GPC5: variants seen among roughly 807,000 people sequenced by gnomAD.
The protein encoded by GPC5 is glypican 5, also known as glypican-5.
GPC5 carries 47 observed loss-of-function variants against 53.9 expected under a neutral mutation model. That is an observed-to-expected ratio of 0.87 (90% CI 0.69 to 1.11). GPC5 has a LOEUF of 1.11. GPC5 is among the 50% of genes most tolerant of loss of function. The pLI is 0.00. For missense variants in GPC5, 748 were observed against 713.1 expected, an observed-to-expected ratio of 1.05 and a Z score of -0.56; for synonymous variants, 286 against 263.3, an observed-to-expected ratio of 1.09 and a Z score of -0.84.
intron 7 of GPC5, among the ~76,000 whole-genome samples, chr13:92,173,191 A>AT (rs994905090): frequency 8.6e-5 from 13 of 151,072 alleles, no homozygotes; most frequent in South Asian, 2.1e-4. Context: ...TCATTAATGG[A>AT]TTTTTTTTTC....
At chr13:91,630,413 C>T (rs1442453307) in intron 2 of GPC5, among the ~76,000 whole-genome samples, 1 of 152,118 alleles carries the variant, frequency 6.6e-6, no homozygotes, top group Non-Finnish European at 1.5e-5. Flanking sequence ...TTTTCCCTCC[C>T]CATTCTACCC....
chr13:92,682,055 C>A (rs1887127160), intron 7 of GPC5, among the ~76,000 whole-genome samples: 1 of 151,376 alleles, frequency 6.6e-6, no homozygotes, highest in East Asian at 2.0e-4. Context: ...TGTGTAGATG[C>A]ATAGCATGCA....
intron 2 of GPC5, among the ~76,000 whole-genome samples, chr13:91,571,828 T>TACACACACATATACGTGTGTGTATATAC (rs768975728): frequency 3.1e-5 from 2 of 64,854 alleles, no homozygotes; most frequent in Non-Finnish European, 5.1e-5. Flanking sequence ...TGTGTATATA[T>TACACACACATATACGTGTGTGTATATAC]ACACATATAC....
chr13:92,652,926 G>A (rs1434560791), intron 7 of GPC5, among the ~76,000 whole-genome samples: 1 of 152,074 alleles, frequency 6.6e-6, no homozygotes, highest in African/African-American at 2.4e-5. Context: ...AGCCTAAAAA[G>A]TGTGCATCTC....
At chr13:92,441,598 A>C (rs1182816165) in intron 7 of GPC5, among the ~76,000 whole-genome samples, 1 of 152,176 alleles carries the variant, frequency 6.6e-6, no homozygotes, top group Non-Finnish European at 1.5e-5. Context: ...GCCACAAAAG[A>C]GTAAAATACA....
chr13:91,401,430 A>G (rs1036401597), intron 1 of GPC5, among the ~76,000 whole-genome samples: 2 of 152,154 alleles, frequency 1.3e-5, no homozygotes, highest in African/African-American at 2.4e-5. Context: ...TGACTATCAT[A>G]TTTTCTAAGA....
intron 7 of GPC5, among the ~76,000 whole-genome samples, chr13:92,525,352 C>T (rs1029895469): frequency 1.5e-4 from 22 of 151,444 alleles, no homozygotes; most frequent in African/African-American, 5.1e-4. Context: ...TTGAAGTGAG[C>T]ATATGAACTG....
intron 7 of GPC5, among the ~76,000 whole-genome samples, chr13:92,233,411 T>A (rs1039832745): frequency 2.0e-5 from 3 of 152,216 alleles, no homozygotes; most frequent in African/African-American, 7.2e-5. Flanking sequence ...TGGGGCTGAC[T>A]TGATAATTTG....
chr13:92,639,924 C>T (rs1305249313), intron 7 of GPC5, among the ~76,000 whole-genome samples: 5 of 152,016 alleles, frequency 3.3e-5, no homozygotes, highest in African/African-American at 1.2e-4. Context: ...CACTCCTACT[C>T]ACTGCTTCTA....
At chr13:91,644,699 T>G (rs1354807452) in intron 2 of GPC5, among the ~76,000 whole-genome samples, 3 of 152,232 alleles carry the variant, frequency 2.0e-5, no homozygotes, top group African/African-American at 7.2e-5. Flanking sequence ...ACCTGTCTTT[T>G]GTTTTAAAAC....
chr13:92,762,215 A>T (rs1875211005), intron 7 of GPC5, among the ~76,000 whole-genome samples: 1 of 152,210 alleles, frequency 6.6e-6, no homozygotes, highest in Non-Finnish European at 1.5e-5. Flanking sequence ...AATGACAGTG[A>T]CAATAAGTGA....
At chr13:92,756,515 C>T (rs1874880567) in intron 7 of GPC5, among the ~76,000 whole-genome samples, 1 of 151,970 alleles carries the variant, frequency 6.6e-6, no homozygotes, top group African/African-American at 2.4e-5. Context: ...AAAGGGTATT[C>T]AATTAGGAAA....
intron 7 of GPC5, among the ~76,000 whole-genome samples, chr13:92,365,365 T>C (rs903676777): frequency 2.0e-5 from 3 of 151,728 alleles, no homozygotes; most frequent in Non-Finnish European, 2.9e-5. Flanking sequence ...GCATTTACCA[T>C]GAATGGAGCT....
intron 4 of GPC5, among the ~76,000 whole-genome samples, chr13:91,730,610 G>A (rs900215140): frequency 7.2e-5 from 11 of 152,130 alleles, no homozygotes; most frequent in African/African-American, 2.7e-4. Context: ...AACCCACACA[G>A]CCATGAAACT....
At chr13:92,216,449 C>T (rs543018677) in intron 7 of GPC5, among the ~76,000 whole-genome samples, 4 of 152,234 alleles carry the variant, frequency 2.6e-5, no homozygotes, top group South Asian at 2.1e-4. Context: ...CTTGTCAACA[C>T]GCAGCAGGCA....
chr13:91,855,225 C>G (rs565926999), intron 5 of GPC5, among the ~76,000 whole-genome samples: 2 of 151,698 alleles, frequency 1.3e-5, no homozygotes, highest in African/African-American at 4.8e-5. Flanking sequence ...GCTTTTCTAA[C>G]TAGCTCCTAG....
At chr13:91,537,348 A>C (rs528551245) in intron 2 of GPC5, among the ~76,000 whole-genome samples, 7 of 152,308 alleles carry the variant, frequency 4.6e-5, no homozygotes, top group Non-Finnish European at 7.3e-5. Context: ...AGTGAAAGAA[A>C]GGACTTAACT....
At chr13:91,619,587 C>A (rs1405408450) in intron 2 of GPC5, among the ~76,000 whole-genome samples, 1 of 152,020 alleles carries the variant, frequency 6.6e-6, no homozygotes, top group Admixed American at 6.6e-5. Flanking sequence ...ATGATTCAGA[C>A]CTTTGGGGAG....
At chr13:92,628,519 A>G (rs1205887944) in intron 7 of GPC5, among the ~76,000 whole-genome samples, 2 of 151,968 alleles carry the variant, frequency 1.3e-5, no homozygotes, top group African/African-American at 4.8e-5. Context: ...GTCCATGCTC[A>G]GCCCTAGCTC....
Sources: allele counts gnomAD v4.1 joint callset (sites outside exome capture counted in the v4.1 genomes callset), GRCh38; gene constraint gnomAD v4.1.1; transcripts MANE v1.5; gene names NCBI Gene and HGNC (gene_info 2026-07-23, HGNC 2026-07-21).